CTNNA3: variants seen among roughly 807,000 people sequenced by gnomAD.
CTNNA3 encodes catenin alpha 3.
In CTNNA3, 76 loss-of-function variants were observed where a neutral mutation model predicts 95.7. The observed-to-expected ratio is 0.79, with a 90% confidence interval of 0.66 to 0.96. CTNNA3 has a LOEUF of 0.96. CTNNA3 is among the 40% of genes least tolerant of loss of function. CTNNA3 has a pLI of 0.00. For synonymous variants in CTNNA3, 431 were observed against 374.4 expected, an observed-to-expected ratio of 1.15 and a Z score of -1.74; for missense variants, 1,191 against 1,089.8, an observed-to-expected ratio of 1.09 and a Z score of -1.31.
At chr10:67,447,281 G>A (rs9415881) in intron 5 of CTNNA3, among the ~76,000 whole-genome samples, 111,119 of 152,084 alleles carry the variant, frequency 0.73, 43,556 homozygotes, top group Non-Finnish European at 0.88. Context: ...TAAAACATGC[G>A]TGTAATAGAT....
rs115099306 is a variant in CTNNA3 at position 65,989,567 on chromosome 10, T to C, written c.2160-770A>G. On this transcript the variant is annotated intron_variant, in intron 15 of 17. Coordinates refer to ENST00000433211, the MANE Select transcript of CTNNA3 (RefSeq NM_013266.4). ...CATTTTTTCTGTTGCTATATTTTAG[T>C]TACTTTAAAAAAATTTATTGATGGT... 6.1e-3 allele frequency among the ~76,000 whole-genome samples: 930 copies of C among 152,026 alleles called. 13 individuals are homozygous for C. The highest frequency in any genetic ancestry group is 0.021 in the African/African-American group (883 of 41,520).
rs540038101 is a variant in CTNNA3, at chr10:67,236,211, G to C, written c.580-16341C>G. On this transcript the variant is annotated intron_variant, in intron 5 of 17. Transcript: ENST00000433211. ...ATGCTGCTATAAAGACACATGCACA[G>C]GTATGTTTATTGCGGCATTATTCAC... 2.6e-3 allele frequency among the ~76,000 whole-genome samples: 375 copies of C among 142,224 alleles called. 4 individuals are homozygous for C. The highest frequency in any genetic ancestry group is 0.016 in the Admixed American group (220 of 14,064). The allele number at this position is 142,224 out of a possible 152,430, so 93.3% of individuals were successfully genotyped here.
At chr10:67,116,743 T>TATAA (rs1491585169) in intron 7 of CTNNA3, among the ~76,000 whole-genome samples, 2 of 139,624 alleles carry the variant, frequency 1.4e-5, no homozygotes, top group African/African-American at 5.3e-5. Flanking sequence ...TATATATATA[T>TATAA]AATATATAAA....
chr10:66,877,201 G>T (rs572790733), intron 7 of CTNNA3, among the ~76,000 whole-genome samples: 3 of 152,152 alleles, frequency 2.0e-5, no homozygotes, highest in African/African-American at 4.8e-5. Context: ...GTATGGTAAG[G>T]GTTTGGGCAC....
chr10:66,591,972 A>C (rs945032336), intron 10 of CTNNA3, among the ~76,000 whole-genome samples: 1 of 152,050 alleles, frequency 6.6e-6, no homozygotes, highest in African/African-American at 2.4e-5. Context: ...GACCTCTCCC[A>C]TGAATTGCAG....
At chr10:66,528,664 C>T (rs1275046591) in intron 10 of CTNNA3, among the ~76,000 whole-genome samples, 2 of 152,126 alleles carry the variant, frequency 1.3e-5, no homozygotes, top group Non-Finnish European at 2.9e-5. Flanking sequence ...GTTTTACAGT[C>T]ACTTCCCTAT....
intron 7 of CTNNA3, among the ~76,000 whole-genome samples, chr10:67,020,398 C>T (rs998054458): frequency 3.9e-5 from 6 of 152,124 alleles, no homozygotes; most frequent in Admixed American, 3.9e-4. Context: ...TTATTATCTT[C>T]TCTTATGAAT....
intron 7 of CTNNA3, among the ~76,000 whole-genome samples, chr10:66,985,132 T>A (rs1210764153): frequency 6.6e-6 from 1 of 152,182 alleles, no homozygotes; most frequent in African/African-American, 2.4e-5. Flanking sequence ...AGACTAACAT[T>A]ATCTAATACT....
chr10:67,485,948 G>T (rs1020038117), intron 5 of CTNNA3, among the ~76,000 whole-genome samples: 1 of 152,036 alleles, frequency 6.6e-6, no homozygotes, highest in African/African-American at 2.4e-5. Flanking sequence ...TTCCCTACAG[G>T]GATATAAATA....
intron 9 of CTNNA3, among the ~76,000 whole-genome samples, chr10:66,643,571 C>T (rs1254746618): frequency 6.6e-6 from 1 of 152,134 alleles, no homozygotes; most frequent in Admixed American, 6.5e-5. Context: ...CTAGCATAAA[C>T]ATCAATCATC....
intron 11 of CTNNA3, among the ~76,000 whole-genome samples, chr10:66,474,642 T>C (rs996466623): frequency 5.9e-5 from 9 of 152,040 alleles, no homozygotes; most frequent in African/African-American, 1.9e-4. Context: ...ATAATGGCTG[T>C]ACTAATTTAG....
Position 67,639,462 on chromosome 10 carries a change from T to C in CTNNA3, c.99+7953A>G, listed in dbSNP as rs150513581. On this transcript the variant is annotated intron_variant, in intron 2 of 17. Coordinates refer to ENST00000433211, the MANE Select transcript of CTNNA3 (RefSeq NM_013266.4). ...GCTGGTACCATTCCTTCTGAAACTA[T>C]TCCAATCAACAGAAAAAGAGGGAAT... Among the ~76,000 whole-genome samples, 5,141 of 152,236 alleles carry C rather than the reference T, an allele frequency of 0.034. 607 individuals are homozygous for C. The East Asian group carries it at 0.43, about 13-fold the overall frequency.
At chr10:67,121,622 T>C (rs186295415) in intron 7 of CTNNA3, among the ~76,000 whole-genome samples, 69 of 152,128 alleles carry the variant, frequency 4.5e-4, no homozygotes, top group Admixed American at 1.2e-3. Flanking sequence ...TGCCCCGCAG[T>C]GCTGGCCACA....
At chr10:66,898,570 G>A (rs1391224047) in intron 7 of CTNNA3, among the ~76,000 whole-genome samples, 1 of 152,020 alleles carries the variant, frequency 6.6e-6, no homozygotes, top group Admixed American at 6.6e-5. Context: ...TAACATGAGT[G>A]CCAAAAAATA....
chr10:66,654,258 A>T (rs10822866), intron 9 of CTNNA3, among the ~76,000 whole-genome samples: 73,359 of 151,814 alleles, frequency 0.48, 18,178 homozygotes, highest in East Asian at 0.7. Context: ...AATAGAAAAA[A>T]ACCCAAATAA....
chr10:66,470,275 T>A (rs1365253458), intron 11 of CTNNA3, among the ~76,000 whole-genome samples: 4 of 151,768 alleles, frequency 2.6e-5, no homozygotes, highest in African/African-American at 9.7e-5. Flanking sequence ...CTGTCAAACA[T>A]GAAAGGGGAA....
At chr10:67,323,293 A>T (rs1841399760) in intron 5 of CTNNA3, among the ~76,000 whole-genome samples, 1 of 152,122 alleles carries the variant, frequency 6.6e-6, no homozygotes, top group Non-Finnish European at 1.5e-5. Flanking sequence ...ATCATTGCCC[A>T]TGCCTATGTA....
intron 12 of CTNNA3, among the ~76,000 whole-genome samples, chr10:66,350,544 A>T (rs868124594): frequency 3.9e-5 from 6 of 151,970 alleles, no homozygotes; most frequent in South Asian, 2.1e-4. Context: ...GCTCCAGAAA[A>T]AAAAAATTGG....
chr10:67,726,491 TACAA>T (rs1841223728), intron 1 of CTNNA3, among the ~76,000 whole-genome samples: 1 of 63,948 alleles, frequency 1.6e-5, no homozygotes, highest in Non-Finnish European at 2.5e-5. Context: ...TTATATCATA[TACAA>T]TATATAATAT....
Sources: gnomAD v4.1 joint callset for allele counts (sites outside exome capture counted in the v4.1 genomes callset) on GRCh38, gnomAD v4.1.1 for gene constraint, MANE v1.5 for transcripts, NCBI Gene and HGNC (gene_info 2026-07-23, HGNC 2026-07-21) for gene names.